The following MYO1H variants were observed in gnomAD, a reference collection of about 807,000 sequenced individuals.
The protein encoded by MYO1H is myosin IH.
MYO1H carries 118 observed loss-of-function variants against 149.3 expected under a neutral mutation model. The ratio of observed to expected loss-of-function variants is 0.79; its 90% CI spans 0.68 to 0.92. The LOEUF (loss-of-function observed/expected upper bound fraction) is 0.92. Among genes scored for constraint, MYO1H ranks in the 40% least tolerant of loss-of-function variants. The pLI, the probability that MYO1H is intolerant of heterozygous loss-of-function variation, is 0.00. For synonymous variants in MYO1H, 447 were observed against 465.2 expected (o/e 0.96, Z 0.50); for missense variants, 1,212 against 1,280.7 (o/e 0.95, Z 0.82).
the MYO1H span, among the ~76,000 whole-genome samples, chr12:109,328,809 A>G: frequency 1.3e-5 from 2 of 152,150 alleles, no homozygotes; most frequent in African/African-American, 2.4e-5. Flanking sequence ...ATAAAATTGT[A>G]TATGTTTAAG....
chr12:109,412,166 AT>A (rs1011419000), intron 14 of MYO1H, among the ~76,000 whole-genome samples, 181 bp downstream of exon 14: 3 of 151,412 alleles, frequency 2.0e-5, no homozygotes, highest in South Asian at 2.1e-4. Context: ...ATGAATTATA[AT>A]TTTTTTTTGA....
chr12:109,407,133 C>A (rs1348999210), intron 9 of MYO1H, among the ~76,000 whole-genome samples: 1 of 152,094 alleles, frequency 6.6e-6, no homozygotes, highest in Admixed American at 6.5e-5. Flanking sequence ...GAACACTGTT[C>A]CCGGTGCTTT....
chr12:109,411,097 A>G (rs988159238), intron 13 of MYO1H, among the ~76,000 whole-genome samples: 3 of 152,062 alleles, frequency 2.0e-5, no homozygotes, highest in Non-Finnish European at 2.9e-5. Context: ...AGCTGAGATC[A>G]TACCACTGCG....
chr12:109,432,040 C>G lies in MYO1H; in HGVS notation c.1950-857C>G, dbSNP rs1273157367. Among the ~76,000 whole-genome samples, 4 of 126,814 alleles carry G rather than the reference C, an allele frequency of 3.2e-5. No individual in the cohort carries two copies. In the East Asian group the frequency reaches 9.6e-4, roughly 30 times the overall value. The allele number at this position is 126,814 out of a possible 152,430, so 83.2% of individuals were successfully genotyped here. ...TTTTTGAGATGGAGTCTTGCTCTGTCGCCCAGGCTGGAGTACAGTGGCGCA... is the reference window on the plus strand; with the variant it reads ...TTTTTGAGATGGAGTCTTGCTCTGTGGCCCAGGCTGGAGTACAGTGGCGCA... On this transcript the variant is annotated intron_variant, in intron 19 of 31. Coordinates refer to ENST00000310903, the Ensembl canonical transcript of MYO1H.
intron 5 of MYO1H, among the ~76,000 whole-genome samples, chr12:109,400,337 G>A (rs73405599): frequency 0.037 from 5,658 of 152,234 alleles, 330 homozygotes; most frequent in African/African-American, 0.13. Context: ...GGTTCCGGTT[G>A]CTCCATACCC....
At chr12:109,446,714 A>C (rs1186483015) in intron 31 of MYO1H, among the ~76,000 whole-genome samples, 2 of 152,348 alleles carry the variant, frequency 1.3e-5, no homozygotes, top group East Asian at 1.9e-4. Context: ...CAGTGAGCTG[A>C]GATCGCACCA....
chr12:109,427,892 A>T (rs1255532818), intron 19 of MYO1H, among the ~76,000 whole-genome samples: 1 of 56,536 alleles, frequency 1.8e-5, no homozygotes, highest in African/African-American at 8.6e-5. Flanking sequence ...AAAAAAAAAA[A>T]AAAAAAAAAA....
intron 5 of MYO1H, 103 bp from the exon 6 acceptor site, chr12:109,400,990 A>G (rs1418879090): frequency 2.2e-6 from 2 of 903,614 alleles, no homozygotes; most frequent in Non-Finnish European, 3.3e-6. Context: ...AAGATTGATC[A>G]GATCAGACTT....
At position 109,440,624 on chromosome 12, in the gene MYO1H, A is replaced by C. The variant is rs531890659; in HGVS notation, c.2455-120A>C. On this transcript the variant is annotated intron_variant, in intron 24 of 31. Transcript: ENST00000310903. The stretch of plus-strand genomic sequence containing the variant: ...CTGTGACTATAAAATATAAAATATT[A>C]ACACTGTGCTTGAAATCAAACTGAA... The C allele has an allele frequency of 3.4e-5, 25 of 731,458 alleles. No homozygotes were observed. In the East Asian group the frequency reaches 6.8e-4, roughly 20 times the overall value. The allele number at this position is 731,458 out of a possible 1,614,324, so 45.3% of individuals were successfully genotyped here.
chr12:109,393,481 T>C, intron 3 of MYO1H, 35 bp downstream of exon 3: 1 of 1,415,256 alleles, frequency 7.1e-7, no homozygotes, highest in Non-Finnish European at 9.8e-7. Context: ...ACTAGGAGGA[T>C]TTTTCTTTTT....
intron 14 of MYO1H, among the ~76,000 whole-genome samples, chr12:109,413,059 C>A (rs895589195): frequency 6.6e-5 from 10 of 152,102 alleles, no homozygotes; most frequent in African/African-American, 2.4e-4. Context: ...TCACTGCAAC[C>A]TCCACCTCCC....
At chr12:109,343,532 T>C (rs1426991951), upstream of MYO1H, among the ~76,000 whole-genome samples, 2 of 152,186 alleles carry the variant, frequency 1.3e-5, no homozygotes, top group African/African-American at 4.8e-5. Flanking sequence ...TTATTATTAT[T>C]TGTAAATTTT....
upstream of MYO1H, among the ~76,000 whole-genome samples, chr12:109,345,910 A>G (rs536607233): frequency 6.6e-6 from 1 of 152,206 alleles, no homozygotes; most frequent in Non-Finnish European, 1.5e-5. Flanking sequence ...AAATGTATAG[A>G]GACAGCAGAT....
At chr12:109,407,287 C>T (rs1457689870) in intron 9 of MYO1H, among the ~76,000 whole-genome samples, 1 of 152,118 alleles carries the variant, frequency 6.6e-6, no homozygotes, top group Non-Finnish European at 1.5e-5. Flanking sequence ...GAATGTCTCT[C>T]CATCCCTCCC....
chr12:109,330,410 C>T, the MYO1H span, among the ~76,000 whole-genome samples: 6 of 152,062 alleles, frequency 3.9e-5, no homozygotes, highest in African/African-American at 1.2e-4. Context: ...ACTTGGCTAA[C>T]GATGTATATC....
chr12:109,382,094 C>T (rs1869216385), intron 1 of MYO1H, among the ~76,000 whole-genome samples: 1 of 152,168 alleles, frequency 6.6e-6, no homozygotes, highest in Non-Finnish European at 1.5e-5. Context: ...ATATCAAACT[C>T]CTAAGAAAAT....
At chr12:109,409,535 T>A (rs780150196) in intron 10 of MYO1H, 22 bp from the exon 11 acceptor site, 1 of 1,606,892 alleles carries the variant, frequency 6.2e-7, no homozygotes. Flanking sequence ...TAACTATGAA[T>A]GGGGTGTGTT....
At position 109,368,555 on chromosome 12, in the gene MYO1H, C is replaced by G. The variant is rs574909537; in HGVS notation, c.13-20128C>G. Among the ~76,000 whole-genome samples the G allele has an allele frequency of 4.1e-5, 6 of 146,344 alleles. No homozygotes were observed. In the Admixed American group the frequency reaches 4.3e-4, roughly 11 times the overall value. On this transcript the variant is annotated intron_variant, in intron 1 of 31. Transcript: ENST00000310903. The stretch of plus-strand genomic sequence containing the variant: ...CCTTTAATCCCAGCTACTCGGGAGG[C>G]TGAGGCAGGAGAATTGCTTGAACCC...
intron 26 of MYO1H, 147 bp from the exon 27 acceptor site, chr12:109,442,070 T>C (rs915203925): frequency 6.5e-5 from 44 of 679,906 alleles, no homozygotes; most frequent in Non-Finnish European, 1.0e-4. Flanking sequence ...CAAAGGCAGA[T>C]GCTCAACTCT....
Sources: gnomAD v4.1 joint callset for allele counts (sites outside exome capture counted in the v4.1 genomes callset) on GRCh38, gnomAD v4.1.1 for gene constraint, MANE v1.5 for transcripts, NCBI Gene and HGNC (gene_info 2026-07-23, HGNC 2026-07-21) for gene names.